EDRF1: variants seen among roughly 807,000 people sequenced by gnomAD.
EDRF1 encodes the protein erythroid differentiation regulatory factor 1, also known as erythroid differentiation-related factor 1.
A neutral mutation model predicts 148.7 loss-of-function variants in EDRF1; 69 were observed. The ratio of observed to expected loss-of-function variants is 0.46; its 90% CI spans 0.38 to 0.57. EDRF1 has a LOEUF of 0.57. EDRF1 is among the 20% of genes least tolerant of loss of function. The pLI, the probability that EDRF1 is intolerant of heterozygous loss-of-function variation, is 0.00. For missense variants in EDRF1, 1,118 were observed against 1,478.7 expected (o/e 0.76, Z 4.00); for synonymous variants, 515 against 532.8 (o/e 0.97, Z 0.46).
At chr10:125,758,360 T>C (rs1393098004) in intron 24 of EDRF1, among the ~76,000 whole-genome samples, 1 of 152,248 alleles carries the variant, frequency 6.6e-6, no homozygotes, top group Non-Finnish European at 1.5e-5. Flanking sequence ...TCTTTGTCTC[T>C]TGGAAGTATG....
intron 8 of EDRF1, among the ~76,000 whole-genome samples, 158 bp from the exon 9 acceptor site, chr10:125,730,117 TAGCACAACCACTG>T (rs1848426923): frequency 6.6e-6 from 1 of 152,216 alleles, no homozygotes; most frequent in African/African-American, 2.4e-5. Context: ...ATGTTAAATA[TAGCACAACCACTG>T]AGCTGCATGT....
rs1182273423 is a variant in EDRF1 at position 125,719,740 on chromosome 10, C to T, written c.-68C>T. 31 of 1,324,502 alleles carry T rather than the reference C, an allele frequency of 2.3e-5. No individual in the cohort carries two copies. Among genetic ancestry groups the T allele is most frequent in the Non-Finnish European group, 3.2e-5 (30 of 951,882 alleles). The allele number at this position is 1,324,502 out of a possible 1,614,324, so 82.0% of individuals were successfully genotyped here. A position where few individuals can be genotyped will look rare whatever the true frequency, so the allele number is the denominator to read the frequency against. On this transcript the variant is annotated 5_prime_UTR_variant, in exon 1 of 25. Transcript: ENST00000356792. ...CGGAGCGTCTCTGGCGCTTACCCTG[C>T]TTTGGGCCTGCGTTGCTGCTGCTGC... is the stretch of plus-strand genomic sequence containing the variant.
At chr10:125,732,547 C>A (rs975150782) in intron 9 of EDRF1, among the ~76,000 whole-genome samples, 3 of 151,990 alleles carry the variant, frequency 2.0e-5, no homozygotes, top group African/African-American at 7.2e-5. Context: ...GGAGCCTCTC[C>A]TCATAGGGGT....
At position 125,743,180 on chromosome 10, in the gene EDRF1, C is replaced by G. The variant is rs1216275268; in HGVS notation, c.2494C>G (p.His832Asp). Residue 832 changes from histidine (H) to aspartate (D), a missense_variant, in exon 18 of 25, where the codon CAC becomes GAC. Around this residue, in one of 3 missense-constraint regions of EDRF1, gnomAD observed 954 missense variants for 1,241.4 expected, o/e 0.77. Coordinates refer to ENST00000356792, the MANE Select transcript of EDRF1 (RefSeq NM_001202438.2). ...FSDLKSQNPE[H>D]YVQVLKRMGN... The stretch of plus-strand genomic sequence containing the variant: ...TGACTTGAAAAGCCAAAATCCAGAA[C>G]ACTATGTACAAGTATTAAAGAGAAT... The G allele has an allele frequency of 1.2e-6, 2 of 1,613,684 alleles. No individual in the cohort carries two copies. Among genetic ancestry groups the G allele is most frequent in the African/African-American group, 2.7e-5 (2 of 74,904 alleles).
chr10:125,736,783 A>G lies in EDRF1; in HGVS notation c.1758+879A>G, dbSNP rs181478564. ...TGTTGCTTCTGCTTGGAATGTACCT[A>G]CCCTAGGTCTGTTCATGGCTGCCTT... On this transcript the variant is annotated intron_variant, in intron 13 of 24. Transcript: ENST00000356792. Among the ~76,000 whole-genome samples the G allele has an allele frequency of 8.0e-5, 12 of 150,740 alleles. No homozygotes were observed. The East Asian group carries it at 2.2e-3, about 27-fold the overall frequency.
chr10:125,733,684 A>G lies in EDRF1; in HGVS notation c.1326A>G (p.Glu442=), dbSNP rs778670541. The G allele has an allele frequency of 5.6e-6, 9 of 1,613,618 alleles. No individual in the cohort carries two copies. The East Asian group carries it at 1.6e-4, about 28-fold the overall frequency. Residue 442 remains glutamate (E), a synonymous_variant, in exon 11 of 25, where the codon GAA becomes GAG. Transcript: ENST00000356792. ...VKLYDLTTLC[E]ETEDKYQNPF... ...TCTATGACCTCACTACTCTTTGTGA[A>G]GAAACTGAAGACAAATACCAAAATC...
chr10:125,734,273 T>A, intron 12 of EDRF1, 90 bp downstream of exon 12: 1 of 964,910 alleles, frequency 1.0e-6, no homozygotes, highest in Non-Finnish European at 1.7e-6. Flanking sequence ...TGATTCATAT[T>A]CCGTAACTGC....
chr10:125,740,478 A>G lies in EDRF1; in HGVS notation c.1997A>G (p.Lys666Arg). 1.2e-6 allele frequency: 2 copies of G among 1,614,130 alleles called. No individual in the cohort carries two copies. The highest frequency in any genetic ancestry group is 1.7e-6 in the Non-Finnish European group (2 of 1,180,020). ...CATGTCACAGTGGGCTCCCTTCAGA[A>G]GGGCAATTATTCCAGTCAATCTGGA... Reference protein sequence around the residue: ...LFLDKMGSLQKGNYSSQSGMI... With the variant: ...LFLDKMGSLQRGNYSSQSGMI... The change falls in exon 16 of 25, where the codon AAG becomes AGG. Residue 666 changes from lysine to arginine, a missense_variant. By Grantham distance (26) the Lys-to-Arg change is conservative. Transcript: ENST00000356792.
intron 2 of EDRF1, 44 bp downstream of exon 2, chr10:125,721,456 A>T: frequency 6.4e-7 from 1 of 1,557,986 alleles, no homozygotes; most frequent in Non-Finnish European, 8.8e-7. Context: ...CTCCACCCTC[A>T]CTTAAAACTC....
Position 125,763,569 on chromosome 10 carries a change from T to A in EDRF1, c.*97T>A, listed in dbSNP as rs1038867226. 4.4e-6 allele frequency: 6 copies of A among 1,356,042 alleles called. No homozygotes were observed. The highest frequency in any genetic ancestry group is 6.1e-6 in the Non-Finnish European group (6 of 982,946). 84.0% of individuals were successfully genotyped at this position (1,356,042 alleles called of 1,614,324 possible). ...TGTTTCATTAAATAATAGGGAAATA[T>A]CCATTTAAAACAGGTATATCAGTGG... On this transcript the variant is annotated 3_prime_UTR_variant, in exon 25 of 25. Coordinates refer to ENST00000356792, the MANE Select transcript of EDRF1 (RefSeq NM_001202438.2). This position sits in a 1 kb window ranked among gnomAD's most constrained non-coding sequence, Gnocchi z 4.3.
At chr10:125,725,181 G>C in intron 4 of EDRF1, 137 bp from the exon 5 acceptor site, 1 of 1,077,648 alleles carries the variant, frequency 9.3e-7, no homozygotes. Flanking sequence ...AATTGACCCA[G>C]AAAGATATGT....
intron 24 of EDRF1, chr10:125,756,745 A>T (rs1012180741): frequency 5.3e-6 from 2 of 377,882 alleles, no homozygotes; most frequent in African/African-American, 2.2e-5. Flanking sequence ...TATGTCTTTT[A>T]TATTAAAATT....
At chr10:125,747,463 G>A in intron 19 of EDRF1, 73 bp from the exon 20 acceptor site, 2 of 1,489,362 alleles carry the variant, frequency 1.3e-6, no homozygotes, top group Non-Finnish European at 1.9e-6. Context: ...GTTGTGAAGT[G>A]TGTTTTATTT....
At chr10:125,724,828 AT>A (rs1848175922) in intron 4 of EDRF1, among the ~76,000 whole-genome samples, 1 of 152,196 alleles carries the variant, frequency 6.6e-6, no homozygotes, top group Non-Finnish European at 1.5e-5. Flanking sequence ...TTTAAAGAAT[AT>A]TACTACAGTG....
chr10:125,763,035 A>G lies in EDRF1; in HGVS notation c.3546-266A>G, dbSNP rs1850258870. 6.6e-6 allele frequency among the ~76,000 whole-genome samples: 1 copy of G among 152,096 alleles called. No homozygotes were observed. Among genetic ancestry groups the G allele is most frequent in the Admixed American group, 6.6e-5 (1 of 15,266 alleles). ...CTTTTTGCCTGTTTTGTTCTCTGTC[A>G]AGAGCAATTCCTAGTACATAATAGG... On this transcript the variant is annotated intron_variant, in intron 24 of 24. Transcript: ENST00000356792. The surrounding 1 kb of genome is among the most constrained non-coding windows in gnomAD (Gnocchi z 4.3).
At chr10:125,757,067 A>G (rs917851585) in intron 24 of EDRF1, 2 of 429,314 alleles carry the variant, frequency 4.7e-6, no homozygotes, top group Admixed American at 2.7e-5. Context: ...CCTTCCCCAG[A>G]CTCCCAAAGT....
chr10:125,752,027 T>C lies in EDRF1; in HGVS notation c.3278-772T>C, dbSNP rs976969092. ...GAGTTTTCATTGGAACTTGGTCAGA[T>C]AGACATGGTTGACTGCCACGTGGCT... On this transcript the variant is annotated intron_variant, in intron 22 of 24. Coordinates refer to ENST00000356792, the MANE Select transcript of EDRF1 (RefSeq NM_001202438.2). 3 of 152,260 alleles carry C rather than the reference T, an allele frequency of 2.0e-5. No homozygotes were observed. In the East Asian group the frequency reaches 5.8e-4, roughly 29 times the overall value. 9.4% of individuals were successfully genotyped at this position (152,260 alleles called of 1,614,324 possible). A position where few individuals can be genotyped will look rare whatever the true frequency, so the allele number is the denominator to read the frequency against.
Position 125,721,242 on chromosome 10 carries a change from C to T in EDRF1, c.147C>T (p.Ser49=), listed in dbSNP as rs977378004. ...ALFLGGNEVK[S]RAVVKYSSAP... is the part of the protein sequence containing the mutation. Reference sequence around the variant, plus strand: ...TTCTTGGAGGCAATGAAGTGAAGAGCCGAGCTGTGGTGAAATACTCTTCTG... The same window carrying T: ...TTCTTGGAGGCAATGAAGTGAAGAGTCGAGCTGTGGTGAAATACTCTTCTG... The change falls in exon 2 of 25, where the codon AGC becomes AGT. Residue 49 remains serine (S), a synonymous_variant. Coordinates refer to ENST00000356792, the MANE Select transcript of EDRF1 (RefSeq NM_001202438.2). 1 of 1,614,034 alleles carries T rather than the reference C, an allele frequency of 6.2e-7. No individual in the cohort carries two copies. Among genetic ancestry groups the T allele is most frequent in the African/African-American group, 1.3e-5 (1 of 74,890 alleles).
intron 9 of EDRF1, 125 bp from the exon 10 acceptor site, chr10:125,733,279 A>T: frequency 4.1e-6 from 3 of 732,004 alleles, no homozygotes; most frequent in Non-Finnish European, 6.7e-6. Flanking sequence ...CCACTGGTTT[A>T]AACACTTTCA....
Sources: gnomAD v4.1 joint callset for allele counts (sites outside exome capture counted in the v4.1 genomes callset) on GRCh38, gnomAD v4.1.1 for gene constraint, gnomAD v4.1.1 regional missense constraint, Gnocchi (gnomAD v3.1) non-coding constraint, MANE v1.5 for transcripts, NCBI Gene and HGNC (gene_info 2026-07-23, HGNC 2026-07-21) for gene names.